Variants in TLN2 observed in about 807,000 individuals in gnomAD.
TLN2 encodes talin 2.
A neutral mutation model predicts 294.7 loss-of-function variants in TLN2; 118 were observed. The ratio of observed to expected loss-of-function variants is 0.40; its 90% CI spans 0.34 to 0.47. The LOEUF (loss-of-function observed/expected upper bound fraction) is 0.47, where lower values mean the gene tolerates loss of function less well. Ranked by LOEUF, TLN2 falls within the 20% of genes least tolerant of loss-of-function variation. The pLI is 0.84. For missense variants in TLN2, 3,083 were observed against 3,282.2 expected (o/e 0.94, Z 1.48); for synonymous variants, 1,431 against 1,304.5 (o/e 1.10, Z -2.09).
Position 62,545,514 on chromosome 15 carries a change from TTG to T in TLN2, c.-237-44143_-237-44142del, listed in dbSNP as rs56777565. On this transcript the variant is annotated intron_variant, in intron 1 of 58. Transcript: ENST00000636159. ...TGAATCCAACTCTCTTTCTTTCTCTTTGTGTGTGTGTGTGTGTGTGTGTGTGT... is the reference window on the plus strand; with the variant it reads ...TGAATCCAACTCTCTTTCTTTCTCTTTGTGTGTGTGTGTGTGTGTGTGTGT... 2.8e-3 allele frequency among the ~76,000 whole-genome samples: 404 copies of T among 145,350 alleles called. 2 individuals are homozygous for T. Among genetic ancestry groups the T allele is most frequent in the Admixed American group, 3.9e-3 (57 of 14,480 alleles).
intron 43 of TLN2, among the ~76,000 whole-genome samples, chr15:62,777,985 C>T (rs773977869): frequency 1.3e-5 from 2 of 152,128 alleles, no homozygotes; most frequent in Non-Finnish European, 1.5e-5. Context: ...TTTTAGACAT[C>T]GTCTATGTTT....
intron 19 of TLN2, among the ~76,000 whole-genome samples, chr15:62,703,619 ACACG>A (rs776071830): frequency 0.015 from 1,556 of 106,960 alleles, 30 homozygotes; most frequent in African/African-American, 0.048. Flanking sequence ...ACACACACAC[ACACG>A]CGCGCACACA....
At chr15:62,668,726 A>G (rs8029166) in intron 9 of TLN2, among the ~76,000 whole-genome samples, 139,826 of 152,178 alleles carry the variant, frequency 0.92, 65,286 homozygotes, top group Non-Finnish European at 1. Flanking sequence ...AATTATCTAA[A>G]GGGCTTGTTA....
At chr15:62,433,079 G>A (rs1360506873) in intron 1 of TLN2, among the ~76,000 whole-genome samples, 1 of 152,156 alleles carries the variant, frequency 6.6e-6, no homozygotes, top group Non-Finnish European at 1.5e-5. Flanking sequence ...TGTGAGATGT[G>A]TACTCCTAGG....
chr15:62,787,721 CAG>C (rs1567606514), intron 45 of TLN2, among the ~76,000 whole-genome samples: 1 of 110,156 alleles, frequency 9.1e-6, no homozygotes, highest in African/African-American at 3.5e-5. Flanking sequence ...TTTTTTGAGA[CAG>C]AGTCTGTCGC....
At chr15:62,491,985 C>T (rs34966036) in intron 1 of TLN2, among the ~76,000 whole-genome samples, 1 of 151,872 alleles carries the variant, frequency 6.6e-6, no homozygotes, top group Non-Finnish European at 1.5e-5. Context: ...TTAGTGGGGG[C>T]GTCTTTTTCT....
At chr15:62,556,787 G>A (rs373749461) in intron 1 of TLN2, among the ~76,000 whole-genome samples, 18 of 152,128 alleles carry the variant, frequency 1.2e-4, no homozygotes, top group African/African-American at 4.1e-4. Context: ...GTAATAGCAG[G>A]CATCCTTGTC....
At chr15:62,766,630 G>A (rs910829455) in intron 41 of TLN2, among the ~76,000 whole-genome samples, 1 of 152,146 alleles carries the variant, frequency 6.6e-6, no homozygotes, top group African/African-American at 2.4e-5. Flanking sequence ...TTTTACCTAA[G>A]TTCAGAAGAA....
At chr15:62,442,556 T>G (rs1390285034) in intron 1 of TLN2, among the ~76,000 whole-genome samples, 1 of 149,676 alleles carries the variant, frequency 6.7e-6, no homozygotes, top group Non-Finnish European at 1.5e-5. Context: ...GAGAGTCACC[T>G]GGGAAACTGC....
chr15:62,522,965 C>CAT (rs2040539833), intron 1 of TLN2, among the ~76,000 whole-genome samples: 1 of 140,920 alleles, frequency 7.1e-6, no homozygotes, highest in Admixed American at 7.0e-5. Context: ...CACACACACA[C>CAT]ACACACACAC....
At position 62,766,397 on chromosome 15, in the gene TLN2, G is replaced by A. The variant is rs2063007559; in HGVS notation, c.5171G>A (p.Gly1724Glu). ...GATCCCATCGCCACAGCGGCTCGGG[G>A]AGAAGCAGCTCAGCTGGGACATAAG... ...LIDPIATAARGEAAQLGHKVT... is the reference protein window; with the variant it reads ...LIDPIATAAREEAAQLGHKVT... Residue 1724 changes from glycine (G) to glutamate (E), a missense_variant, in exon 41 of 59, where the codon GGA becomes GAA. Physicochemically the swap from Gly to Glu is moderately conservative, Grantham distance 98 (BLOSUM62 -2). Transcript: ENST00000636159. The A allele has an allele frequency of 6.2e-7, 1 of 1,611,988 alleles. No individual in the cohort carries two copies. Among genetic ancestry groups the A allele is most frequent in the African/African-American group, 1.3e-5 (1 of 74,910 alleles).
At chr15:62,564,876 C>CCTG (rs2043251977) in intron 1 of TLN2, among the ~76,000 whole-genome samples, 1 of 145,556 alleles carries the variant, frequency 6.9e-6, no homozygotes, top group African/African-American at 2.6e-5. Context: ...CCACTTCACT[C>CCTG]CTGCCTGGGT....
In TLN2 at chr15:62,657,802, C is replaced by T. The variant is rs1275958413; in HGVS notation, c.692C>T (p.Pro231Leu). 6.2e-7 allele frequency: 1 copy of T among 1,613,868 alleles called. No homozygotes were observed. Among genetic ancestry groups the T allele is most frequent in the Non-Finnish European group, 8.5e-7 (1 of 1,179,956 alleles). The change falls in exon 9 of 59, where the codon CCT (proline) becomes CTT (leucine). Residue 231 changes from proline to leucine, a missense_variant. Physicochemically the swap from Pro to Leu is moderately conservative, Grantham distance 98. Transcript: ENST00000636159. ...GATGACATCCTGAATGGCTCTCACCCTGTCTCCTTCGAGAAAGCTTGTGAG... is the reference window on the plus strand; with the variant it reads ...GATGACATCCTGAATGGCTCTCACCTTGTCTCCTTCGAGAAAGCTTGTGAG... ...ARDDILNGSH[P>L]VSFEKACEFG... is the part of the protein sequence containing the mutation.
At chr15:62,561,329 A>T (rs1265652116) in intron 1 of TLN2, 1 of 152,216 alleles carries the variant, frequency 6.6e-6, no homozygotes, top group Non-Finnish European at 1.5e-5. Flanking sequence ...AAGGAATGTA[A>T]CACACCCCGC....
intron 1 of TLN2, among the ~76,000 whole-genome samples, chr15:62,537,634 C>G (rs975426178): frequency 2.0e-5 from 3 of 152,164 alleles, no homozygotes; most frequent in Admixed American, 2.0e-4. Context: ...TTTCTCTTTT[C>G]TCTGCCCACA....
At chr15:62,744,964 A>G (rs1039003803) in intron 32 of TLN2, among the ~76,000 whole-genome samples, 3 of 150,100 alleles carry the variant, frequency 2.0e-5, no homozygotes, top group Non-Finnish European at 4.4e-5. Flanking sequence ...GCAGGCAGAC[A>G]GATGTCTGCT....
rs1454339715 is a variant in TLN2 at position 62,796,161 on chromosome 15, A to G, written c.5918A>G (p.Asn1973Ser). Residue 1973 changes from asparagine to serine, a missense_variant, in exon 47 of 59, where the codon AAC (asparagine) becomes AGC (serine). Asn to Ser is a conservative substitution (Grantham distance 46). Coordinates refer to ENST00000636159, the MANE Select transcript of TLN2 (RefSeq NM_015059.3). ...GTGCTCTCGGCTCTCCAGGCCGGGAACAAAGGAACCCAGGCATGCATTACA... is the reference window on the plus strand; with the variant it reads ...GTGCTCTCGGCTCTCCAGGCCGGGAGCAAAGGAACCCAGGCATGCATTACA... ...SLVLSALQAG[N>S]KGTQACITAA... 2 of 1,614,252 alleles carry G rather than the reference A, an allele frequency of 1.2e-6. No individual in the cohort carries two copies. The highest frequency in any genetic ancestry group is 1.7e-6 in the Non-Finnish European group (2 of 1,180,040).
intron 3 of TLN2, among the ~76,000 whole-genome samples, chr15:62,628,667 A>C (rs1349450923): frequency 6.6e-6 from 1 of 152,228 alleles, no homozygotes; most frequent in South Asian, 2.1e-4. Context: ...AATCCAGTTA[A>C]TGAGATCACG....
At chr15:62,468,756 A>AAT (rs374229863) in intron 1 of TLN2, among the ~76,000 whole-genome samples, 8,675 of 96,980 alleles carry the variant, frequency 0.089, 398 homozygotes, top group Admixed American at 0.14. Context: ...AAAAAAAAAT[A>AAT]AAAATAAAAA....
Sources: gnomAD v4.1 joint callset for allele counts (sites outside exome capture counted in the v4.1 genomes callset) on GRCh38, gnomAD v4.1.1 for gene constraint, MANE v1.5 for transcripts, NCBI Gene and HGNC (gene_info 2026-07-23, HGNC 2026-07-21) for gene names.